The following PGM5 variants were observed in gnomAD, a reference collection of about 807,000 sequenced individuals.
PGM5 encodes phosphoglucomutase 5.
PGM5 carries 23 observed loss-of-function variants against 59.2 expected under a neutral mutation model. The observed-to-expected ratio is 0.39, with a 90% confidence interval of 0.28 to 0.55. The LOEUF is 0.55. PGM5 is among the 20% of genes least tolerant of loss of function. PGM5 has a pLI of 0.66. For synonymous variants in PGM5, 214 were observed against 286.0 expected (o/e 0.75, Z 2.54); for missense variants, 574 against 748.3 (o/e 0.77, Z 2.72).
chr9:68,366,427 T>C (rs1834679659), intron 1 of PGM5, among the ~76,000 whole-genome samples: 1 of 152,258 alleles, frequency 6.6e-6, no homozygotes, highest in Admixed American at 6.5e-5. Context: ...AAAACAGCAA[T>C]GACTGGAATA....
chr9:68,376,046 G>A (rs1466936650), intron 1 of PGM5, among the ~76,000 whole-genome samples: 1 of 152,242 alleles, frequency 6.6e-6, no homozygotes, highest in Non-Finnish European at 1.5e-5. Flanking sequence ...GTCAGATTAT[G>A]TAGGGCCTTG....
intron 1 of PGM5, chr9:68,357,709 G>T (rs1183423385): frequency 7.5e-6 from 3 of 400,864 alleles, no homozygotes; most frequent in Admixed American, 4.3e-5. Context: ...TTTTTCTTTC[G>T]GACATTCTCT....
chr9:68,431,176 C>T (rs1554683006), intron 6 of PGM5, among the ~76,000 whole-genome samples: 2 of 152,192 alleles, frequency 1.3e-5, no homozygotes, highest in Non-Finnish European at 2.9e-5. Flanking sequence ...GTCTAAGGTT[C>T]CCCCAACTCC....
intron 6 of PGM5, among the ~76,000 whole-genome samples, chr9:68,411,484 G>GTA (rs782186409): frequency 0.021 from 2,214 of 105,916 alleles, 27 homozygotes; most frequent in African/African-American, 0.044. Flanking sequence ...GTGTGTGTGT[G>GTA]TGTGTATATA....
intron 10 of PGM5, among the ~76,000 whole-genome samples, chr9:68,502,626 G>A (rs1824595048): frequency 6.6e-6 from 1 of 152,178 alleles, no homozygotes; most frequent in African/African-American, 2.4e-5. Context: ...CCCAGTCCTT[G>A]GGAGGGGCCT....
intron 6 of PGM5, among the ~76,000 whole-genome samples, chr9:68,392,984 T>C (rs1822404892): frequency 6.6e-6 from 1 of 152,084 alleles, no homozygotes. Flanking sequence ...CTTCATAGGT[T>C]TATTGTAAGA....
chr9:68,473,087 T>A (rs1824047753), intron 7 of PGM5, among the ~76,000 whole-genome samples: 1 of 152,176 alleles, frequency 6.6e-6, no homozygotes, highest in African/African-American at 2.4e-5. Flanking sequence ...AATCAATCTA[T>A]CTATCAGTCT....
At chr9:68,397,385 T>G (rs1422073387) in intron 6 of PGM5, 1 of 152,296 alleles carries the variant, frequency 6.6e-6, no homozygotes, top group Non-Finnish European at 1.5e-5. Context: ...CCCTATTCAC[T>G]AGACATATTT....
chr9:68,481,513 T>C (rs1824196267), intron 8 of PGM5, among the ~76,000 whole-genome samples: 1 of 152,230 alleles, frequency 6.6e-6, no homozygotes, highest in South Asian at 2.1e-4. Flanking sequence ...TTCCAAAACG[T>C]CCAACCTGAC....
chr9:68,456,696 C>T (rs1823784964), intron 6 of PGM5, among the ~76,000 whole-genome samples: 2 of 149,138 alleles, frequency 1.3e-5, no homozygotes, highest in Admixed American at 1.3e-4. Flanking sequence ...GCAATCTCGG[C>T]TCACTGCAGC....
chr9:68,465,368 T>C (rs1334267901), intron 7 of PGM5, among the ~76,000 whole-genome samples, 160 bp downstream of exon 7: 1 of 152,230 alleles, frequency 6.6e-6, no homozygotes, highest in Non-Finnish European at 1.5e-5. Context: ...TATGCTTACC[T>C]CTTTTGTCCA....
intron 9 of PGM5, 151 bp from the exon 10 acceptor site, chr9:68,499,076 T>A: frequency 1.3e-6 from 1 of 780,480 alleles, no homozygotes; most frequent in Non-Finnish European, 2.1e-6. Context: ...ATCACATTCA[T>A]TACATGCCCT....
chr9:68,478,732 TCTC>T (rs1257068157), intron 7 of PGM5, among the ~76,000 whole-genome samples: 3 of 152,228 alleles, frequency 2.0e-5, no homozygotes, highest in Admixed American at 6.5e-5. Context: ...TTCTGTGTCT[TCTC>T]CTCTTCTTAT....
chr9:68,388,246 T>C (rs1293831228), intron 4 of PGM5, among the ~76,000 whole-genome samples: 2 of 142,286 alleles, frequency 1.4e-5, no homozygotes, highest in East Asian at 2.0e-4. Context: ...CCATGCAATA[T>C]GCTATAATTA....
At chr9:68,379,393 T>G (rs1288036268) in intron 2 of PGM5, among the ~76,000 whole-genome samples, 13 of 152,126 alleles carry the variant, frequency 8.5e-5, no homozygotes, top group Non-Finnish European at 1.9e-4. Flanking sequence ...AAACTTATTA[T>G]CTATCCCTCC....
At chr9:68,414,629 G>T (rs1407772683) in intron 6 of PGM5, among the ~76,000 whole-genome samples, 11 of 151,720 alleles carry the variant, frequency 7.3e-5, no homozygotes, top group Non-Finnish European at 1.2e-4. Context: ...AAATGATAAG[G>T]CACATCTCTG....
At chr9:68,525,589 T>C (rs1467376794) in intron 10 of PGM5, among the ~76,000 whole-genome samples, 3 of 152,178 alleles carry the variant, frequency 2.0e-5, no homozygotes, top group African/African-American at 7.2e-5. Context: ...AAACAATATA[T>C]AAATAAAAAG....
chr9:68,366,261 C>T (rs1296486320), intron 1 of PGM5, among the ~76,000 whole-genome samples: 19 of 151,834 alleles, frequency 1.3e-4, no homozygotes, highest in African/African-American at 4.6e-4. Flanking sequence ...GTACTCACTG[C>T]AGCATTTTGC....
chr9:68,382,085 A>AT (rs1554678368), intron 2 of PGM5, among the ~76,000 whole-genome samples: 1 of 151,834 alleles, frequency 6.6e-6, no homozygotes, highest in Admixed American at 6.6e-5. Context: ...AGGAAAAAAA[A>AT]GTTGGAGGTA....
Sources: allele counts gnomAD v4.1 joint callset (sites outside exome capture counted in the v4.1 genomes callset), GRCh38; gene constraint gnomAD v4.1.1; transcripts MANE v1.5; gene names NCBI Gene and HGNC (gene_info 2026-07-23, HGNC 2026-07-21).